The following AGBL1 variants were observed in gnomAD, a reference collection of about 807,000 sequenced individuals.
The protein encoded by AGBL1 is AGBL carboxypeptidase 1, also known as cytosolic carboxypeptidase 4.
In AGBL1, 130 loss-of-function variants were observed where a neutral mutation model predicts 118.9. The observed-to-expected ratio is 1.09, with a 90% CI of 0.95 to 1.26. The LOEUF (loss-of-function observed/expected upper bound fraction) is 1.26, where lower values mean the gene tolerates loss of function less well. Ranked by LOEUF, AGBL1 falls within the 50% of genes most tolerant of loss-of-function variation. The pLI, the probability that AGBL1 is intolerant of heterozygous loss-of-function variation, is 0.00. For missense variants in AGBL1, 1,584 were observed against 1,298.1 expected, an observed-to-expected ratio of 1.22 and a Z score of -3.38; for synonymous variants, 555 against 478.9, an observed-to-expected ratio of 1.16 and a Z score of -2.08.
intron 18 of AGBL1, among the ~76,000 whole-genome samples, chr15:86,467,628 C>G (rs867285803): frequency 9.2e-5 from 14 of 152,324 alleles, no homozygotes; most frequent in Admixed American, 5.2e-4. Flanking sequence ...ATCTCCTGGT[C>G]TGAGGGTTGC....
At chr15:86,562,431 A>G (rs554199197) in intron 21 of AGBL1, among the ~76,000 whole-genome samples, 6 of 152,240 alleles carry the variant, frequency 3.9e-5, no homozygotes, top group African/African-American at 1.4e-4. Context: ...TTCTGTTTAT[A>G]TGCTGGATTA....
intron 21 of AGBL1, among the ~76,000 whole-genome samples, chr15:86,622,153 CGTT>C (rs931065965): frequency 1.3e-5 from 2 of 151,972 alleles, no homozygotes; most frequent in African/African-American, 2.4e-5. Flanking sequence ...CATGGTGAAA[CGTT>C]GTCTCTACTA....
In AGBL1 at chr15:86,910,686, G is replaced by A. The variant is rs1043167619; in HGVS notation, c.*3392G>A. The A allele has an allele frequency of 6.6e-6, 1 of 152,200 alleles. No individual in the cohort carries two copies. The highest frequency in any genetic ancestry group is 1.5e-5 in the Non-Finnish European group (1 of 68,056). 9.4% of individuals were successfully genotyped at this position (152,200 alleles called of 1,614,324 possible). On this transcript the variant is annotated 3_prime_UTR_variant, in exon 23 of 23. Coordinates refer to ENST00000614907, the MANE Select transcript of AGBL1 (RefSeq NM_001386094.1). ...TGGTGGCCTACATGATAGCCCGTTCGAAAGGTTTCCTAGAAATCAGAGGTA... is the reference window on the plus strand; with the variant it reads ...TGGTGGCCTACATGATAGCCCGTTCAAAAGGTTTCCTAGAAATCAGAGGTA...
intron 24 of AGBL1, among the ~76,000 whole-genome samples, chr15:86,996,710 C>A (rs1436501333): frequency 1.3e-5 from 2 of 152,152 alleles, no homozygotes; most frequent in Non-Finnish European, 2.9e-5. Flanking sequence ...AAAATATAAA[C>A]ACATTAGATC....
intron 22 of AGBL1, among the ~76,000 whole-genome samples, chr15:86,694,470 G>A (rs190082321): frequency 4.5e-4 from 69 of 152,030 alleles, no homozygotes; most frequent in Non-Finnish European, 3.4e-4. Context: ...TGCTGAACTC[G>A]TATATTAGTT....
chr15:86,265,921 C>G (rs7176029), intron 11 of AGBL1, among the ~76,000 whole-genome samples: 4,873 of 152,240 alleles, frequency 0.032, 264 homozygotes, highest in African/African-American at 0.11. Flanking sequence ...CCGGAGCAGA[C>G]AGAGCCCAAG....
intron 17 of AGBL1, among the ~76,000 whole-genome samples, chr15:86,360,810 A>G (rs894049522): frequency 6.6e-6 from 1 of 151,916 alleles, no homozygotes; most frequent in Admixed American, 6.6e-5. Flanking sequence ...GTTGGTATAC[A>G]ATTGCCCATA....
chr15:86,273,383 A>G lies in AGBL1; in HGVS notation c.2075+1677A>G, dbSNP rs1197860141. Among the ~76,000 whole-genome samples the G allele has an allele frequency of 2.0e-5, 3 of 152,380 alleles. No individual in the cohort carries two copies. The East Asian group carries it at 5.8e-4, about 29-fold the overall frequency. ...ATAATTCATTTTTCATATTCCAGCC[A>G]TGAATACAACAGAGATGAATGGATA... On this transcript the variant is annotated intron_variant, in intron 15 of 22. Transcript: ENST00000614907.
chr15:86,740,492 G>A (rs987963973), intron 22 of AGBL1, among the ~76,000 whole-genome samples: 1 of 152,164 alleles, frequency 6.6e-6, no homozygotes, highest in Non-Finnish European at 1.5e-5. Context: ...GCTAACATGC[G>A]AGTAGATTCA....
rs181947130 is a variant in AGBL1, at chr15:86,360,019, G to T, written c.2375-37347G>T. Among the ~76,000 whole-genome samples, 13 of 151,942 alleles carry T rather than the reference G, an allele frequency of 8.6e-5. No homozygotes were observed. In the South Asian group the frequency reaches 2.3e-3, roughly 27 times the overall value. ...ACTTTTTCCTTTCTGATTTGGATGT[G>T]ATTTATTTATTTATTTTTCTTGTCT... On this transcript the variant is annotated intron_variant, in intron 17 of 22. Transcript: ENST00000614907.
chr15:86,844,485 T>A (rs560800093), intron 22 of AGBL1, among the ~76,000 whole-genome samples: 1 of 152,198 alleles, frequency 6.6e-6, no homozygotes, highest in Admixed American at 6.6e-5. Context: ...TCTTTTCTTA[T>A]GCCTGTTAGC....
At chr15:86,903,463 T>C (rs540053324) in intron 22 of AGBL1, among the ~76,000 whole-genome samples, 1 of 152,342 alleles carries the variant, frequency 6.6e-6, no homozygotes, top group Admixed American at 6.5e-5. Context: ...GCAACACTTA[T>C]ATGCTTTAAA....
At chr15:86,721,818 C>CA (rs1252754480) in intron 22 of AGBL1, among the ~76,000 whole-genome samples, 1 of 152,168 alleles carries the variant, frequency 6.6e-6, no homozygotes, top group African/African-American at 2.4e-5. Context: ...TCTCAGGATA[C>CA]AAAATCAATG....
intron 18 of AGBL1, among the ~76,000 whole-genome samples, chr15:86,484,511 A>G (rs899453976): frequency 6.6e-6 from 1 of 152,142 alleles, no homozygotes; most frequent in Non-Finnish European, 1.5e-5. Context: ...GTTTTTGATT[A>G]TGTGACTAAG....
intron 18 of AGBL1, among the ~76,000 whole-genome samples, chr15:86,400,099 C>T (rs182113224): frequency 5.3e-5 from 8 of 152,216 alleles, no homozygotes; most frequent in South Asian, 2.1e-4. Flanking sequence ...TTAGAACATA[C>T]GTAACACATG....
At chr15:86,765,517 G>A (rs763775667) in intron 22 of AGBL1, among the ~76,000 whole-genome samples, 1 of 151,938 alleles carries the variant, frequency 6.6e-6, no homozygotes, top group Non-Finnish European at 1.5e-5. Flanking sequence ...AGGAGCATTT[G>A]CAGAGGAGCA....
chr15:86,396,679 G>C (rs946659350), intron 17 of AGBL1, among the ~76,000 whole-genome samples: 2 of 152,160 alleles, frequency 1.3e-5, no homozygotes, highest in African/African-American at 2.4e-5. Context: ...AGGAGGGAAA[G>C]AGCTAACACA....
chr15:86,981,286 A>T (rs1301912776), intron 23 of AGBL1, among the ~76,000 whole-genome samples: 1 of 152,184 alleles, frequency 6.6e-6, no homozygotes, highest in Non-Finnish European at 1.5e-5. Flanking sequence ...TATTTTAATA[A>T]TGTGCTTTCA....
At chr15:86,639,602 A>T (rs937752474) in intron 21 of AGBL1, among the ~76,000 whole-genome samples, 1 of 152,020 alleles carries the variant, frequency 6.6e-6, no homozygotes, top group Admixed American at 6.6e-5. Flanking sequence ...GTTGCTCCGA[A>T]ATTGCTCTCT....
Sources: gnomAD v4.1 joint callset for allele counts (sites outside exome capture counted in the v4.1 genomes callset) on GRCh38, gnomAD v4.1.1 for gene constraint, MANE v1.5 for transcripts, NCBI Gene and HGNC (gene_info 2026-07-23, HGNC 2026-07-21) for gene names.